The following USP31 variants were observed in gnomAD, a reference collection of about 807,000 sequenced individuals.
The protein encoded by USP31 is ubiquitin carboxyl-terminal hydrolase 31.
Under a neutral mutation model 119.4 loss-of-function variants are expected in USP31, and 44 were observed. The ratio of observed to expected loss-of-function variants is 0.37; its 90% CI spans 0.29 to 0.47. USP31 has a LOEUF of 0.47. Among genes scored for constraint, USP31 ranks in the 20% least tolerant of loss-of-function variants. The pLI, the probability that USP31 is intolerant of heterozygous loss-of-function variation, is 0.99. For missense variants in USP31, 1,643 were observed against 1,730.2 expected (o/e 0.95, Z 0.89); for synonymous variants, 749 against 705.6 (o/e 1.06, Z -0.97).
At chr16:23,093,994 T>G (rs111989772) in intron 6 of USP31, among the ~76,000 whole-genome samples, 1 of 152,114 alleles carries the variant, frequency 6.6e-6, no homozygotes, top group African/African-American at 2.4e-5. Flanking sequence ...ATTGGGACGG[T>G]TGGACAGTGG....
At chr16:23,088,071 C>T (rs1901190198) in intron 7 of USP31, among the ~76,000 whole-genome samples, 1 of 152,072 alleles carries the variant, frequency 6.6e-6, no homozygotes, top group African/African-American at 2.4e-5. Flanking sequence ...GAGTATGGTG[C>T]TAGGACAGCA....
At position 23,069,137 on chromosome 16, in the gene USP31, C is replaced by T. The variant is rs769385936; in HGVS notation, c.2968G>A (p.Ala990Thr). Residue 990 changes from alanine (A) to threonine (T), a missense_variant, in exon 16 of 16, where the codon GCT becomes ACT. Physicochemically the swap from Ala to Thr is moderately conservative, Grantham distance 58. Coordinates refer to ENST00000219689, the MANE Select transcript of USP31 (RefSeq NM_020718.4). Reference protein sequence around the residue: ...SGPFDNNNQIAYVDQSDSVDS... With the variant: ...SGPFDNNNQITYVDQSDSVDS... The stretch of plus-strand genomic sequence containing the variant: ...ACGGAGTCGCTCTGATCCACATAAG[C>T]GATCTGATTATTGTTATCAAATGGA... The T allele has an allele frequency of 8.7e-6, 14 of 1,613,776 alleles. No homozygotes were observed. The highest frequency in any genetic ancestry group is 1.1e-5 in the Non-Finnish European group (13 of 1,180,024).
chr16:23,116,034 A>C (rs1902474826), intron 1 of USP31, among the ~76,000 whole-genome samples: 1 of 152,102 alleles, frequency 6.6e-6, no homozygotes. Flanking sequence ...GGTGATTTCC[A>C]CCCATGGGAA....
At chr16:23,120,407 T>C (rs1396009648) in intron 1 of USP31, among the ~76,000 whole-genome samples, 1 of 152,236 alleles carries the variant, frequency 6.6e-6, no homozygotes, top group African/African-American at 2.4e-5. Context: ...TCTCAGGCTG[T>C]TTAAAAACAA....
At chr16:23,104,447 G>A (rs1219801350) in intron 5 of USP31, among the ~76,000 whole-genome samples, 1 of 152,218 alleles carries the variant, frequency 6.6e-6, no homozygotes, top group Non-Finnish European at 1.5e-5. Flanking sequence ...GGACACCACC[G>A]AAGCCTCGCT....
intron 1 of USP31, among the ~76,000 whole-genome samples, chr16:23,117,852 C>T (rs1024155963): frequency 6.6e-6 from 1 of 151,836 alleles, no homozygotes; most frequent in African/African-American, 2.4e-5. Context: ...CGCAGTAGTG[C>T]AATCTCAGCT....
At chr16:23,137,918 T>C (rs1000508310) in intron 1 of USP31, among the ~76,000 whole-genome samples, 1 of 152,164 alleles carries the variant, frequency 6.6e-6, no homozygotes, top group East Asian at 1.9e-4. Flanking sequence ...TTTAGAAACA[T>C]GTAAAAAATG....
chr16:23,075,095 TC>T (rs1900508704), intron 13 of USP31, among the ~76,000 whole-genome samples: 1 of 151,546 alleles, frequency 6.6e-6, no homozygotes, highest in South Asian at 2.1e-4. Context: ...ACCAGACAAG[TC>T]CCCCAAAATG....
rs1349906250 is a variant in USP31 at position 23,108,174 on chromosome 16, A to C, written c.643T>G (p.Ser215Ala). Reference protein sequence around the residue: ...QHSRDFKTIVSKNALQYRGNS... With the variant: ...QHSRDFKTIVAKNALQYRGNS... ...CCCCGGTACTGCAGTGCATTCTTTG[A>C]CACAATAGTCTATGCAGGTAAATAA... Residue 215 changes from serine to alanine, a missense_variant, in exon 2 of 16, where the codon TCA becomes GCA. This residue lies in a region of USP31 where 144 missense variants were observed against 218.0 expected (regional missense o/e 0.66). Coordinates refer to ENST00000219689, the MANE Select transcript of USP31 (RefSeq NM_020718.4). The C allele has an allele frequency of 6.2e-7, 1 of 1,612,268 alleles. No individual in the cohort carries two copies. Among genetic ancestry groups the C allele is most frequent in the Non-Finnish European group, 8.5e-7 (1 of 1,179,294 alleles).
chr16:23,080,883 GA>G (rs1368625300), intron 12 of USP31, among the ~76,000 whole-genome samples: 1 of 152,226 alleles, frequency 6.6e-6, no homozygotes, highest in Non-Finnish European at 1.5e-5. Flanking sequence ...GGGTGGTCAG[GA>G]AGGCCAGCCT....
At chr16:23,134,450 T>C (rs1310999648) in intron 1 of USP31, among the ~76,000 whole-genome samples, 2 of 152,090 alleles carry the variant, frequency 1.3e-5, no homozygotes, top group South Asian at 4.1e-4. Context: ...ACAGATATAC[T>C]CTTATCTCCA....
At chr16:23,112,191 G>A (rs1902339409) in intron 1 of USP31, among the ~76,000 whole-genome samples, 1 of 152,114 alleles carries the variant, frequency 6.6e-6, no homozygotes, top group African/African-American at 2.4e-5. Flanking sequence ...GGCATGATGG[G>A]AAGTCTTCAT....
intron 1 of USP31, among the ~76,000 whole-genome samples, chr16:23,132,920 A>C (rs999774340): frequency 3.3e-5 from 5 of 152,130 alleles, no homozygotes; most frequent in Non-Finnish European, 5.9e-5. Flanking sequence ...CACACCCATA[A>C]AGCTGCCAAA....
At chr16:23,088,886 T>G (rs1901230339) in intron 7 of USP31, among the ~76,000 whole-genome samples, 1 of 152,198 alleles carries the variant, frequency 6.6e-6, no homozygotes, top group Admixed American at 6.5e-5. Context: ...TCTAACAGAT[T>G]AACTCTGACT....
In USP31 at chr16:23,087,153, C is replaced by T. The variant is rs1313596534; in HGVS notation, c.1561G>A (p.Val521Ile). 52 of 1,613,636 alleles carry T rather than the reference C, an allele frequency of 3.2e-5. No homozygotes were observed. The highest frequency in any genetic ancestry group is 4.3e-5 in the Non-Finnish European group (51 of 1,179,872). Residue 521 changes from valine (V) to isoleucine (I), a missense_variant, in exon 9 of 16, where the codon GTT (valine) becomes ATT (isoleucine). By Grantham distance (29) the Val-to-Ile change is conservative (BLOSUM62 3). Around this residue, in one of 5 missense-constraint regions of USP31, gnomAD observed 219 missense variants for 226.4 expected, o/e 0.97. Coordinates refer to ENST00000219689, the MANE Select transcript of USP31 (RefSeq NM_020718.4). Reference sequence around the variant, plus strand: ...TGGGGCAGCAAATATGTTATTCCAACAACACTGACCACACGCAAGCTGAAT... The same window carrying T: ...TGGGGCAGCAAATATGTTATTCCAATAACACTGACCACACGCAAGCTGAAT... ...CPFSLRVVSV[V>I]GITYLLPQEE...
chr16:23,098,930 A>C (rs781039012), intron 6 of USP31, among the ~76,000 whole-genome samples: 20 of 152,234 alleles, frequency 1.3e-4, no homozygotes, highest in Non-Finnish European at 2.9e-4. Flanking sequence ...TTCATGACTA[A>C]AACACCAAAA....
chr16:23,148,421 TA>T (rs1236763924), intron 1 of USP31, among the ~76,000 whole-genome samples: 1 of 152,198 alleles, frequency 6.6e-6, no homozygotes, highest in Non-Finnish European at 1.5e-5. Context: ...ACGTATGTAG[TA>T]AGTTCTCAAT....
At chr16:23,140,521 T>C (rs2141903154) in intron 1 of USP31, among the ~76,000 whole-genome samples, 2 of 152,322 alleles carry the variant, frequency 1.3e-5, no homozygotes, top group Middle Eastern at 6.8e-3. Context: ...GCTATATCTA[T>C]ACCTCTGCTC....
chr16:23,068,565 C>A lies in USP31; in HGVS notation c.3540G>T (p.Arg1180=). Residue 1180 remains arginine, a synonymous_variant, in exon 16 of 16, where the codon CGG becomes CGT. Transcript: ENST00000219689. ...CCTCCCCTGCTCGGGCCTGGCTCACCCGAGGGGAATTGGGTTTGGAGGTGG... is the reference window on the plus strand; with the variant it reads ...CCTCCCCTGCTCGGGCCTGGCTCACACGAGGGGAATTGGGTTTGGAGGTGG... ...ATSTSKPNSP[R]VSQARAGEGR... is the part of the protein sequence containing the mutation. 1.9e-6 allele frequency: 3 copies of A among 1,614,058 alleles called. No individual in the cohort carries two copies. Among genetic ancestry groups the A allele is most frequent in the Non-Finnish European group, 2.5e-6 (3 of 1,179,992 alleles).
Sources: gnomAD v4.1 joint callset for allele counts (sites outside exome capture counted in the v4.1 genomes callset) on GRCh38, gnomAD v4.1.1 for gene constraint, gnomAD v4.1.1 regional missense constraint, MANE v1.5 for transcripts, NCBI Gene and HGNC (gene_info 2026-07-23, HGNC 2026-07-21) for gene names.